ARFIP1: variants seen among roughly 807,000 people sequenced by gnomAD.
ARFIP1 encodes ARF interacting protein 1, also known as arfaptin-1.
Under a neutral mutation model 42.5 loss-of-function variants are expected in ARFIP1, and 24 were observed. That is an observed-to-expected ratio of 0.57 (90% CI 0.41 to 0.80). The LOEUF (loss-of-function observed/expected upper bound fraction) is 0.80, where lower values mean the gene tolerates loss of function less well. Among genes scored for constraint, ARFIP1 ranks in the 30% least tolerant of loss-of-function variants. ARFIP1 has a pLI of 0.00. For synonymous variants in ARFIP1, 141 were observed against 153.7 expected, an observed-to-expected ratio of 0.92 and a Z score of 0.61; for missense variants, 354 against 434.0, an observed-to-expected ratio of 0.82 and a Z score of 1.64.
At chr4:152,869,450 TTC>T (rs1432687537) in intron 3 of ARFIP1, among the ~76,000 whole-genome samples, 14 of 151,060 alleles carry the variant, frequency 9.3e-5, no homozygotes, top group Admixed American at 2.0e-4. Flanking sequence ...CTTTCTTTCT[TTC>T]TTTTTTTTTT....
chr4:152,829,665 C>G lies in ARFIP1; in HGVS notation c.32C>G (p.Ala11Gly). ...CAAGAATCTCCCAAAAATTCAGCAG[C>G]AGAAATTCCAGTGACTAGTAATGGA... MAQESPKNSA[A>G]EIPVTSNGEV... Residue 11 changes from alanine (A) to glycine (G), a missense_variant, in exon 2 of 9, where the codon GCA becomes GGA. Ala to Gly is a moderately conservative substitution (Grantham distance 60). Coordinates refer to ENST00000353617, the MANE Select transcript of ARFIP1 (RefSeq NM_001025595.3). 1 of 1,612,074 alleles carries G rather than the reference C, an allele frequency of 6.2e-7. No homozygotes were observed. Among genetic ancestry groups the G allele is most frequent in the Non-Finnish European group, 8.5e-7 (1 of 1,178,756 alleles).
chr4:152,904,198 A>ATATTTT lies in ARFIP1; in HGVS notation c.967-5865_967-5864insATTTTT, dbSNP rs36085096. ...TGTGTGTGTATATATATATATATAT[A>ATATTTT]TTTTTTTTTTTTTAACGGAGTCTCG... On this transcript the variant is annotated intron_variant, in intron 8 of 8. Coordinates refer to ENST00000353617, the MANE Select transcript of ARFIP1 (RefSeq NM_001025595.3). Among the ~76,000 whole-genome samples, 277 of 126,652 alleles carry ATATTTT rather than the reference A, an allele frequency of 2.2e-3. 1 individual carries two copies. Among genetic ancestry groups the ATATTTT allele is most frequent in the African/African-American group, 8.3e-3 (255 of 30,694 alleles). The allele number at this position is 126,652 out of a possible 152,430, so 83.1% of individuals were successfully genotyped here.
chr4:152,883,022 C>A, intron 7 of ARFIP1, 142 bp downstream of exon 7: 1 of 806,208 alleles, frequency 1.2e-6, no homozygotes, highest in Non-Finnish European at 1.9e-6. Context: ...GATGCCTCTA[C>A]AGACCTGGCA....
intron 1 of ARFIP1, among the ~76,000 whole-genome samples, chr4:152,790,213 T>C (rs1329679757): frequency 6.6e-6 from 1 of 152,218 alleles, no homozygotes; most frequent in Non-Finnish European, 1.5e-5. Context: ...TTATTTTACA[T>C]GGTTTTGGGA....
At chr4:152,804,395 T>A (rs1186822646) in intron 1 of ARFIP1, among the ~76,000 whole-genome samples, 46 of 104,190 alleles carry the variant, frequency 4.4e-4, no homozygotes, top group Middle Eastern at 4.8e-3. Context: ...TATTATATAT[T>A]ATATATAATA....
intron 1 of ARFIP1, among the ~76,000 whole-genome samples, chr4:152,824,997 A>T (rs1730712898): frequency 6.6e-6 from 1 of 151,786 alleles, no homozygotes; most frequent in African/African-American, 2.4e-5. Flanking sequence ...ACACACATAC[A>T]TATACACACA....
chr4:152,898,227 C>A (rs919958000), intron 8 of ARFIP1, among the ~76,000 whole-genome samples: 21 of 151,960 alleles, frequency 1.4e-4, no homozygotes, highest in African/African-American at 4.6e-4. Flanking sequence ...TGTGATCCAC[C>A]CGCCTCGCCC....
chr4:152,803,304 G>A (rs920840157), intron 1 of ARFIP1, among the ~76,000 whole-genome samples: 1 of 152,154 alleles, frequency 6.6e-6, no homozygotes, highest in Non-Finnish European at 1.5e-5. Context: ...ATGACATTGA[G>A]TGAAAAGACC....
chr4:152,878,128 A>C (rs554841719), intron 5 of ARFIP1, among the ~76,000 whole-genome samples: 1 of 152,342 alleles, frequency 6.6e-6, no homozygotes, highest in South Asian at 2.1e-4. Flanking sequence ...GAGAATCTAC[A>C]TAGGTCAGTA....
At chr4:152,848,913 G>T (rs1732769523) in intron 2 of ARFIP1, among the ~76,000 whole-genome samples, 1 of 152,178 alleles carries the variant, frequency 6.6e-6, no homozygotes, top group Non-Finnish European at 1.5e-5. Flanking sequence ...CATAAAAAAT[G>T]TAGTAGCTCG....
chr4:152,860,018 A>G (rs183487960), intron 2 of ARFIP1, among the ~76,000 whole-genome samples: 3 of 152,202 alleles, frequency 2.0e-5, no homozygotes, highest in South Asian at 2.1e-4. Context: ...ATGAAAATAC[A>G]TTCTTAGATA....
chr4:152,845,610 C>T (rs1732476994), intron 2 of ARFIP1, among the ~76,000 whole-genome samples: 1 of 152,146 alleles, frequency 6.6e-6, no homozygotes, highest in Non-Finnish European at 1.5e-5. Context: ...ATGCTCATCA[C>T]TAATCATCAG....
In ARFIP1 at chr4:152,838,520, T is replaced by A. The variant is rs547375326; in HGVS notation, c.93+8794T>A. Among the ~76,000 whole-genome samples, 10 of 151,894 alleles carry A rather than the reference T, an allele frequency of 6.6e-5. No individual in the cohort carries two copies. The East Asian group carries it at 1.4e-3, about 21-fold the overall frequency. ...CATTAAGTATATTCCGAAGTATTTT[T>A]TTATTATTATTTTTTGCAGCTATTG... On this transcript the variant is annotated intron_variant, in intron 2 of 8. Coordinates refer to ENST00000353617, the MANE Select transcript of ARFIP1 (RefSeq NM_001025595.3).
chr4:152,881,268 C>T, intron 6 of ARFIP1, 84 bp downstream of exon 6: 2 of 1,064,962 alleles, frequency 1.9e-6, no homozygotes, highest in Non-Finnish European at 2.7e-6. Context: ...TTGTGATTTG[C>T]TGAACTCTTA....
chr4:152,909,125 C>G (rs929852466), intron 8 of ARFIP1, among the ~76,000 whole-genome samples: 1 of 152,244 alleles, frequency 6.6e-6, no homozygotes, highest in South Asian at 2.1e-4. Context: ...TGGCTTACGC[C>G]TGTAATCCCA....
At chr4:152,814,382 C>G (rs1729712300) in intron 1 of ARFIP1, among the ~76,000 whole-genome samples, 2 of 152,126 alleles carry the variant, frequency 1.3e-5, no homozygotes, top group South Asian at 4.1e-4. Context: ...ATATGAGCCA[C>G]CACTCCTAGC....
At chr4:152,808,283 ATTTTTTTTTTTTTTTTTTTTT>A (rs61135783) in intron 1 of ARFIP1, among the ~76,000 whole-genome samples, 4 of 20,320 alleles carry the variant, frequency 2.0e-4, no homozygotes, top group South Asian at 1.5e-3. Flanking sequence ...CCTGGCCTCC[ATTTTTTTTTTTTTTTTTTTTT>A]TTTTTTTTTT....
intron 8 of ARFIP1, among the ~76,000 whole-genome samples, chr4:152,905,231 T>C (rs1370449803): frequency 6.6e-6 from 1 of 152,224 alleles, no homozygotes; most frequent in Non-Finnish European, 1.5e-5. Context: ...TTGTGTTACA[T>C]AGTAGCTGCA....
chr4:152,866,857 C>T (rs1405095124), intron 3 of ARFIP1, among the ~76,000 whole-genome samples: 5 of 150,696 alleles, frequency 3.3e-5, no homozygotes, highest in African/African-American at 4.9e-5. Context: ...ACATCCCAGA[C>T]GGGGCGGCGG....
Sources: allele counts gnomAD v4.1 joint callset (sites outside exome capture counted in the v4.1 genomes callset), GRCh38; gene constraint gnomAD v4.1.1; transcripts MANE v1.5; gene names NCBI Gene and HGNC (gene_info 2026-07-23, HGNC 2026-07-21).